The following PSMA1 variants were observed in gnomAD, a reference collection of about 807,000 sequenced individuals.
PSMA1 encodes proteasome subunit alpha type-1.
Under a neutral mutation model 38.4 loss-of-function variants are expected in PSMA1, and 3 were observed. The observed-to-expected ratio is 0.08, with a 90% CI of 0.04 to 0.20. The LOEUF (loss-of-function observed/expected upper bound fraction) is 0.20. Among genes scored for constraint, PSMA1 ranks in the 10% least tolerant of loss-of-function variants. The pLI is 1.00. For missense variants in PSMA1, 227 were observed against 325.3 expected, an observed-to-expected ratio of 0.70 and a Z score of 2.32; for synonymous variants, 101 against 107.1, an observed-to-expected ratio of 0.94 and a Z score of 0.35.
At chr11:14,607,736 T>C (rs1247099788) in intron 2 of PSMA1, among the ~76,000 whole-genome samples, 3 of 152,194 alleles carry the variant, frequency 2.0e-5, no homozygotes, top group Non-Finnish European at 4.4e-5. Flanking sequence ...AGGAAGAATC[T>C]TAGACTGCAA....
chr11:14,596,992 A>G (rs12798751), intron 2 of PSMA1, among the ~76,000 whole-genome samples: 2 of 152,210 alleles, frequency 1.3e-5, no homozygotes, highest in Admixed American at 6.5e-5. Flanking sequence ...TTCTGCATCT[A>G]TTGAGATAAT....
intron 2 of PSMA1, among the ~76,000 whole-genome samples, chr11:14,548,125 A>G (rs1019915426): frequency 6.6e-6 from 1 of 152,156 alleles, no homozygotes; most frequent in Non-Finnish European, 1.5e-5. Context: ...TACTGTTGTT[A>G]GCACTTTATA....
At chr11:14,637,054 A>C (rs555003870) in intron 1 of PSMA1, among the ~76,000 whole-genome samples, 24 of 152,304 alleles carry the variant, frequency 1.6e-4, no homozygotes, top group African/African-American at 5.8e-4. Flanking sequence ...CCTCCTTTAA[A>C]ACTTAACAGT....
intron 1 of PSMA1, among the ~76,000 whole-genome samples, chr11:14,632,759 T>C (rs1303274465): frequency 7.0e-4 from 105 of 150,602 alleles, no homozygotes; most frequent in African/African-American, 2.5e-3. Flanking sequence ...TCCTGCAGAG[T>C]GTTTTCCAAC....
intron 1 of PSMA1, among the ~76,000 whole-genome samples, chr11:14,641,090 A>G (rs775907074): frequency 3.7e-4 from 56 of 151,948 alleles, no homozygotes; most frequent in Non-Finnish European, 7.2e-4. Flanking sequence ...TGACGCCTTG[A>G]TGGGTGCAGC....
intron 2 of PSMA1, among the ~76,000 whole-genome samples, chr11:14,593,516 T>C (rs1029789029): frequency 1.3e-5 from 2 of 151,674 alleles, no homozygotes; most frequent in African/African-American, 4.8e-5. Context: ...CTAACATGCC[T>C]AAGAGCCATG....
intron 1 of PSMA1, among the ~76,000 whole-genome samples, chr11:14,638,528 T>C (rs1171044869): frequency 4.0e-5 from 1 of 25,222 alleles, no homozygotes; most frequent in Non-Finnish European, 7.3e-5. Flanking sequence ...TCTCTCTCTC[T>C]CTCTCTCTCT....
At chr11:14,581,731 A>G (rs1424448983) in intron 2 of PSMA1, among the ~76,000 whole-genome samples, 2 of 152,254 alleles carry the variant, frequency 1.3e-5, no homozygotes, top group African/African-American at 2.4e-5. Context: ...GCCCAGGATT[A>G]TCTGTAGTAA....
intron 2 of PSMA1, among the ~76,000 whole-genome samples, chr11:14,555,418 A>G (rs2134170673): frequency 6.6e-6 from 1 of 152,334 alleles, no homozygotes; most frequent in South Asian, 2.1e-4. Context: ...GTCTTTTAAA[A>G]AATAGAAACA....
At chr11:14,608,686 A>T (rs1198173951) in intron 2 of PSMA1, among the ~76,000 whole-genome samples, 1 of 147,760 alleles carries the variant, frequency 6.8e-6, no homozygotes, top group Non-Finnish European at 1.5e-5. Flanking sequence ...CATATAAAAC[A>T]TATATGATTA....
intron 1 of PSMA1, among the ~76,000 whole-genome samples, chr11:14,627,874 A>G (rs565926884): frequency 1.3e-5 from 2 of 152,266 alleles, no homozygotes; most frequent in South Asian, 4.1e-4. Context: ...CAGATTTTAA[A>G]TCTCATCTAC....
intron 2 of PSMA1, among the ~76,000 whole-genome samples, chr11:14,525,713 T>C (rs1301668563): frequency 2.6e-5 from 4 of 152,178 alleles, no homozygotes; most frequent in Non-Finnish European, 4.4e-5. Flanking sequence ...ATCTTAAAGA[T>C]GCTTTTTTCA....
chr11:14,513,707 T>G lies in PSMA1; in HGVS notation c.415-8A>C, dbSNP rs757119971. 1 of 1,567,484 alleles carries G rather than the reference T, an allele frequency of 6.4e-7. No individual in the cohort carries two copies. Among genetic ancestry groups the G allele is most frequent in the Non-Finnish European group, 8.6e-7 (1 of 1,164,588 alleles). ...AATGTGAGGGCCCATATCCTACAAA[T>G]AGAAATAAATACACCACATAATTAT... On this transcript the variant is annotated splice_region_variant and splice_polypyrimidine_tract_variant and intron_variant, in intron 6 of 9. Coordinates refer to ENST00000396394, the MANE Select transcript of PSMA1 (RefSeq NM_002786.4).
chr11:14,553,281 T>G (rs1851906598), intron 2 of PSMA1, among the ~76,000 whole-genome samples: 1 of 152,178 alleles, frequency 6.6e-6, no homozygotes, highest in Non-Finnish European at 1.5e-5. Flanking sequence ...AATATTAAAT[T>G]CAGGAAATTT....
chr11:14,508,644 A>G (rs1851290759), intron 8 of PSMA1, among the ~76,000 whole-genome samples: 1 of 148,272 alleles, frequency 6.7e-6, no homozygotes, highest in Non-Finnish European at 1.5e-5. Context: ...TATTCAGGTA[A>G]TTCATGTGAG....
intron 2 of PSMA1, among the ~76,000 whole-genome samples, chr11:14,542,968 G>A (rs906279304): frequency 6.6e-6 from 1 of 152,058 alleles, no homozygotes; most frequent in East Asian, 1.9e-4. Flanking sequence ...TGATTCTCCT[G>A]CTTCAGCCTC....
chr11:14,558,145 G>C (rs1385224556), intron 2 of PSMA1, among the ~76,000 whole-genome samples: 1 of 150,678 alleles, frequency 6.6e-6, no homozygotes, highest in Non-Finnish European at 1.5e-5. Flanking sequence ...TGGCATGGTG[G>C]CTCACGGCTG....
chr11:14,594,407 T>C (rs1364604689), intron 2 of PSMA1, among the ~76,000 whole-genome samples: 2 of 152,148 alleles, frequency 1.3e-5, no homozygotes, highest in Non-Finnish European at 2.9e-5. Flanking sequence ...TGATAAATTG[T>C]TGGCACAGGG....
At chr11:14,586,347 A>C (rs1037537459) in intron 2 of PSMA1, among the ~76,000 whole-genome samples, 41 of 151,950 alleles carry the variant, frequency 2.7e-4, no homozygotes, top group African/African-American at 2.4e-5. Context: ...CAGGAGAATC[A>C]CTTGAACCCG....
Sources: allele counts gnomAD v4.1 joint callset (sites outside exome capture counted in the v4.1 genomes callset), GRCh38; gene constraint gnomAD v4.1.1; transcripts MANE v1.5; gene names NCBI Gene and HGNC (gene_info 2026-07-23, HGNC 2026-07-21).